WDR7: variants seen among roughly 807,000 people sequenced by gnomAD.
WDR7 encodes the protein WD repeat-containing protein 7.
A neutral mutation model predicts 169.4 loss-of-function variants in WDR7; 46 were observed. The observed-to-expected ratio is 0.27, with a 90% CI of 0.21 to 0.35. The LOEUF (loss-of-function observed/expected upper bound fraction) is 0.35, where lower values mean the gene tolerates loss of function less well. WDR7 is among the 10% of genes least tolerant of loss of function. The pLI is 1.00. For synonymous variants in WDR7, 612 were observed against 666.8 expected (o/e 0.92, Z 1.27); for missense variants, 1,534 against 1,859.3 (o/e 0.83, Z 3.22).
At chr18:56,949,332 T>C (rs1023580069) in intron 25 of WDR7, among the ~76,000 whole-genome samples, 1 of 152,212 alleles carries the variant, frequency 6.6e-6, no homozygotes, top group Non-Finnish European at 1.5e-5. Context: ...TTTAAAAATA[T>C]TGATTTATTT....
chr18:56,865,910 CT>C (rs1342047713), intron 20 of WDR7, among the ~76,000 whole-genome samples: 3 of 152,018 alleles, frequency 2.0e-5, no homozygotes, highest in Non-Finnish European at 4.4e-5. Context: ...TGGTCCAAAA[CT>C]TTTTTTAAGA....
chr18:56,949,847 C>G (rs541270864), intron 25 of WDR7, among the ~76,000 whole-genome samples: 44 of 152,300 alleles, frequency 2.9e-4, no homozygotes, highest in Admixed American at 6.5e-4. Context: ...TTGCATTTAA[C>G]AATATTAAAA....
chr18:56,895,100 A>T (rs1022342702), intron 21 of WDR7, among the ~76,000 whole-genome samples: 1 of 151,874 alleles, frequency 6.6e-6, no homozygotes, highest in African/African-American at 2.4e-5. Flanking sequence ...AACAAGTAGC[A>T]TGTTAATGGT....
intron 13 of WDR7, among the ~76,000 whole-genome samples, chr18:56,726,409 A>G (rs1444607430): frequency 6.6e-6 from 1 of 152,076 alleles, no homozygotes; most frequent in East Asian, 1.9e-4. Context: ...ATTCTCTTTG[A>G]AGCAATTGTG....
intron 20 of WDR7, among the ~76,000 whole-genome samples, chr18:56,830,474 T>A (rs1246584180): frequency 6.6e-6 from 1 of 152,210 alleles, no homozygotes. Flanking sequence ...GAAGAGGACT[T>A]CTAAAAAATA....
At chr18:56,835,753 A>T (rs182758414) in intron 20 of WDR7, among the ~76,000 whole-genome samples, 75 of 152,360 alleles carry the variant, frequency 4.9e-4, no homozygotes, top group Non-Finnish European at 1.5e-5. Context: ...AGGTTTTTAA[A>T]GTTGACAAAA....
chr18:56,928,934 C>G lies in WDR7; in HGVS notation c.3713+4826C>G, dbSNP rs7226974. Among the ~76,000 whole-genome samples the G allele has an allele frequency of 2.6e-5, 4 of 152,110 alleles. No homozygotes were observed. The East Asian group carries it at 7.7e-4, about 29-fold the overall frequency. On this transcript the variant is annotated intron_variant, in intron 22 of 27. Coordinates refer to ENST00000254442, the MANE Select transcript of WDR7 (RefSeq NM_015285.3). ...TAACATCCACAGAATTAAAACAATTCGTTAAAGTACATAATCAGAATTTTC... is the reference window on the plus strand; with the variant it reads ...TAACATCCACAGAATTAAAACAATTGGTTAAAGTACATAATCAGAATTTTC...
chr18:56,908,364 C>A (rs1438600589), intron 21 of WDR7, among the ~76,000 whole-genome samples: 1 of 152,174 alleles, frequency 6.6e-6, no homozygotes, highest in Non-Finnish European at 1.5e-5. Context: ...TCAAGCTTTT[C>A]ACTTTTCATA....
intron 19 of WDR7, among the ~76,000 whole-genome samples, chr18:56,788,605 T>G (rs1171973499): frequency 6.6e-6 from 1 of 152,162 alleles, no homozygotes; most frequent in Non-Finnish European, 1.5e-5. Context: ...CTTGCTGGAC[T>G]ACTTTCCTAT....
intron 12 of WDR7, among the ~76,000 whole-genome samples, chr18:56,701,219 C>G (rs939049001): frequency 6.6e-6 from 1 of 152,106 alleles, no homozygotes; most frequent in Non-Finnish European, 1.5e-5. Context: ...TATAGGTACC[C>G]AGAGAAACAA....
At chr18:56,953,151 G>A (rs1023106439) in intron 25 of WDR7, among the ~76,000 whole-genome samples, 2 of 152,082 alleles carry the variant, frequency 1.3e-5, no homozygotes, top group African/African-American at 4.8e-5. Flanking sequence ...AGAGGTAGGA[G>A]TAATATAGGA....
At chr18:56,906,645 G>C (rs187395698) in intron 21 of WDR7, among the ~76,000 whole-genome samples, 2 of 150,620 alleles carry the variant, frequency 1.3e-5, no homozygotes, top group East Asian at 3.9e-4. Context: ...CCAGCTTCAA[G>C]TGATTCTTCT....
intron 26 of WDR7, among the ~76,000 whole-genome samples, chr18:57,015,621 G>A (rs1030011533): frequency 7.9e-5 from 12 of 152,194 alleles, no homozygotes; most frequent in Admixed American, 5.9e-4. Flanking sequence ...ACGGGCTCCT[G>A]TATTGGGATG....
chr18:56,791,302 A>G (rs1333507325), intron 19 of WDR7, among the ~76,000 whole-genome samples: 2 of 152,232 alleles, frequency 1.3e-5, no homozygotes, highest in African/African-American at 4.8e-5. Flanking sequence ...ATGAATATTC[A>G]TGCTGATTTA....
chr18:56,928,229 C>T (rs1024281904), intron 22 of WDR7, among the ~76,000 whole-genome samples: 5 of 151,944 alleles, frequency 3.3e-5, no homozygotes, highest in South Asian at 2.1e-4. Context: ...TTTGGGAGGC[C>T]GAGGTGGGAG....
At chr18:56,778,090 C>G (rs895002151) in intron 17 of WDR7, among the ~76,000 whole-genome samples, 37 of 152,016 alleles carry the variant, frequency 2.4e-4, no homozygotes, top group Non-Finnish European at 7.4e-5. Flanking sequence ...GTATATCTCC[C>G]TCTATTATAA....
intron 26 of WDR7, among the ~76,000 whole-genome samples, chr18:57,015,820 C>A (rs2048198239): frequency 1.3e-5 from 2 of 152,210 alleles, no homozygotes; most frequent in African/African-American, 4.8e-5. Flanking sequence ...ATTTGCAGGT[C>A]TTTGGTATTG....
rs571185035 is a variant in WDR7, at chr18:56,704,446, A to G, written c.1578+7984A>G. ...TCTAGCTACTTGGGAGGCTGAGGTG[A>G]GAGGATTGCTTGAGCCCTGGAGTTC... On this transcript the variant is annotated intron_variant, in intron 12 of 27. Transcript: ENST00000254442. Among the ~76,000 whole-genome samples the G allele has an allele frequency of 2.6e-5, 4 of 151,270 alleles. No individual in the cohort carries two copies. In the South Asian group the frequency reaches 8.4e-4, roughly 32 times the overall value.
chr18:57,020,598 A>G, intron 26 of WDR7, 147 bp from the exon 27 acceptor site: 1 of 754,140 alleles, frequency 1.3e-6, no homozygotes, highest in South Asian at 1.8e-5. Context: ...TGCTTTGCTT[A>G]TTTTTCTAAG....
Sources: allele counts gnomAD v4.1 joint callset (sites outside exome capture counted in the v4.1 genomes callset), GRCh38; gene constraint gnomAD v4.1.1; transcripts MANE v1.5; gene names NCBI Gene and HGNC (gene_info 2026-07-23, HGNC 2026-07-21).